The following RNLS variants were observed in gnomAD, a reference collection of about 807,000 sequenced individuals.
RNLS encodes renalase.
A neutral mutation model predicts 39.8 loss-of-function variants in RNLS; 39 were observed. The observed-to-expected ratio is 0.98, with a 90% confidence interval of 0.76 to 1.28. The LOEUF is 1.28. Among genes scored for constraint, RNLS ranks in the 50% most tolerant of loss-of-function variants. The pLI is 0.00. For missense variants in RNLS, 410 were observed against 413.3 expected (o/e 0.99, Z 0.07); for synonymous variants, 147 against 150.7 (o/e 0.98, Z 0.18).
the RNLS span, among the ~76,000 whole-genome samples, chr10:88,246,445 T>C: frequency 6.6e-6 from 1 of 152,162 alleles, no homozygotes; most frequent in Non-Finnish European, 1.5e-5. Flanking sequence ...ACATAGGACA[T>C]GCTAAAATCC....
rs189552191 is a variant in RNLS, at chr10:88,419,701, G to A, written c.527-56976C>T. On this transcript the variant is annotated intron_variant, in intron 4 of 6. Transcript: ENST00000331772. Reference sequence around the variant, plus strand: ...TCATGATTCCTTTCTGCTGCATAAAGACACTTAATAAAAAAGGCACTGGCT... The same window carrying A: ...TCATGATTCCTTTCTGCTGCATAAAAACACTTAATAAAAAAGGCACTGGCT... Among the ~76,000 whole-genome samples, 389 of 152,226 alleles carry A rather than the reference G, an allele frequency of 2.6e-3. 2 individuals carry two copies. The highest frequency in any genetic ancestry group is 8.8e-3 in the African/African-American group (367 of 41,552).
chr10:88,360,345 G>A (rs1251999740), intron 5 of RNLS, among the ~76,000 whole-genome samples: 1 of 152,186 alleles, frequency 6.6e-6, no homozygotes, highest in Non-Finnish European at 1.5e-5. Context: ...TGGTTTTGGA[G>A]TACTCAAGTA....
chr10:88,364,962 AC>A (rs1377084606), intron 4 of RNLS, among the ~76,000 whole-genome samples: 1 of 152,104 alleles, frequency 6.6e-6, no homozygotes, highest in Non-Finnish European at 1.5e-5. Context: ...AGGGCCTAAA[AC>A]TTTTATTTTT....
intron 4 of RNLS, among the ~76,000 whole-genome samples, chr10:88,376,291 T>G (rs960747593): frequency 6.6e-6 from 1 of 152,084 alleles, no homozygotes; most frequent in East Asian, 1.9e-4. Context: ...TGGGGTGGCA[T>G]TTCCTGAATC....
intron 4 of RNLS, among the ~76,000 whole-genome samples, chr10:88,390,499 G>A (rs780395699): frequency 2.0e-5 from 3 of 152,184 alleles, no homozygotes; most frequent in Non-Finnish European, 2.9e-5. Flanking sequence ...TTCCTGAAAG[G>A]TGGAATGTGG....
chr10:88,268,349 A>G, the RNLS span, among the ~76,000 whole-genome samples: 2 of 152,126 alleles, frequency 1.3e-5, no homozygotes, highest in Non-Finnish European at 2.9e-5. Flanking sequence ...AGCTCTCCAT[A>G]TATTTCCCGA....
the RNLS span, among the ~76,000 whole-genome samples, chr10:88,209,402 T>C: frequency 6.6e-6 from 1 of 152,080 alleles, no homozygotes; most frequent in Admixed American, 6.6e-5. Context: ...GACAACACCA[T>C]GTGATGACGA....
At chr10:88,503,484 A>T (rs1484460601) in intron 4 of RNLS, among the ~76,000 whole-genome samples, 1 of 152,162 alleles carries the variant, frequency 6.6e-6, no homozygotes, top group African/African-American at 2.4e-5. Context: ...AACTACTCAA[A>T]TTTTTTTAAT....
chr10:88,365,516 AACACACACACACACACACAC>A (rs61386966), intron 4 of RNLS, among the ~76,000 whole-genome samples: 8 of 145,910 alleles, frequency 5.5e-5, no homozygotes, highest in African/African-American at 1.8e-4. Flanking sequence ...AGGATTATAT[AACACACACACACACACACAC>A]ACACACACAC....
At chr10:88,262,890 C>T in the RNLS span, among the ~76,000 whole-genome samples, 42,043 of 151,996 alleles carry the variant, frequency 0.28, 7,859 homozygotes, top group African/African-American at 0.52. Context: ...TGTTATACTT[C>T]ATTCTCGCCT....
the RNLS span, among the ~76,000 whole-genome samples, chr10:88,200,072 T>G: frequency 1.3e-5 from 2 of 152,180 alleles, no homozygotes; most frequent in African/African-American, 4.8e-5. Context: ...AAGGTTGCAG[T>G]GAGACATGAT....
At chr10:88,440,688 T>C (rs189181527) in intron 4 of RNLS, among the ~76,000 whole-genome samples, 40 of 152,318 alleles carry the variant, frequency 2.6e-4, no homozygotes, top group African/African-American at 7.7e-4. Context: ...CCTTAGTCAA[T>C]GTGAAGCAAG....
At chr10:88,394,484 C>T (rs377471647) in intron 4 of RNLS, among the ~76,000 whole-genome samples, 1 of 152,284 alleles carries the variant, frequency 6.6e-6, no homozygotes, top group African/African-American at 2.4e-5. Flanking sequence ...CAAATCAAAA[C>T]CACAATGAGA....
intron 4 of RNLS, among the ~76,000 whole-genome samples, chr10:88,390,028 G>C (rs1305598615): frequency 2.0e-5 from 3 of 152,206 alleles, no homozygotes; most frequent in Non-Finnish European, 4.4e-5. Context: ...AGGAACACAA[G>C]GGGGAAATAC....
the RNLS span, among the ~76,000 whole-genome samples, chr10:88,175,485 A>G: frequency 2.0e-5 from 3 of 152,024 alleles, no homozygotes; most frequent in African/African-American, 7.2e-5. Flanking sequence ...TTCCTTCTTC[A>G]TTTCTTCATT....
chr10:88,267,150 GACCCAAATTAATAC>G, the RNLS span, among the ~76,000 whole-genome samples: 2 of 152,104 alleles, frequency 1.3e-5, no homozygotes, highest in African/African-American at 4.8e-5. Flanking sequence ...TTTTGCAGAG[GACCCAAATTAATAC>G]ACCATAAATT....
At chr10:88,433,480 T>C (rs1025133886) in intron 4 of RNLS, among the ~76,000 whole-genome samples, 2 of 152,100 alleles carry the variant, frequency 1.3e-5, no homozygotes. Context: ...TATCATAATT[T>C]AGATATCATC....
rs138586580 is a variant in RNLS, at chr10:88,475,284, G to A, written c.526+97619C>T. 3.3e-5 allele frequency among the ~76,000 whole-genome samples: 5 copies of A among 152,206 alleles called. No individual in the cohort carries two copies. In the East Asian group the frequency reaches 5.8e-4, roughly 18 times the overall value. ...GTGATGGCCAGCAACCAACCGAGCC[G>A]CTTTAATGTTATCAAACTCAAGAGA... On this transcript the variant is annotated intron_variant, in intron 4 of 6. Transcript: ENST00000331772.
intron 4 of RNLS, among the ~76,000 whole-genome samples, chr10:88,417,468 A>G (rs1463650204): frequency 2.6e-5 from 4 of 152,220 alleles, no homozygotes; most frequent in Non-Finnish European, 1.5e-5. Context: ...TTATCAGTAA[A>G]ACTTTACATA....
Sources: allele counts gnomAD v4.1 joint callset (sites outside exome capture counted in the v4.1 genomes callset), GRCh38; gene constraint gnomAD v4.1.1; transcripts MANE v1.5; gene names NCBI Gene and HGNC (gene_info 2026-07-23, HGNC 2026-07-21).